The following GPM6A variants were observed in gnomAD, a reference collection of about 807,000 sequenced individuals.
GPM6A encodes the protein neuronal membrane glycoprotein M6-a.
In GPM6A, 7 loss-of-function variants were observed where a neutral mutation model predicts 32.1. The ratio of observed to expected loss-of-function variants is 0.22; its 90% CI spans 0.12 to 0.41. The LOEUF (loss-of-function observed/expected upper bound fraction) is 0.41. GPM6A is among the 10% of genes least tolerant of loss of function. The probability of loss-of-function intolerance (pLI) is 1.00; values close to 1 mark genes in which losing one functional copy is unlikely to be tolerated. For synonymous variants in GPM6A, 130 were observed against 123.4 expected, an observed-to-expected ratio of 1.05 and a Z score of -0.35; for missense variants, 235 against 347.2, an observed-to-expected ratio of 0.68 and a Z score of 2.57.
chr4:175,704,698 A>T (rs1745076150), intron 1 of GPM6A, among the ~76,000 whole-genome samples: 2 of 152,138 alleles, frequency 1.3e-5, no homozygotes, highest in African/African-American at 4.8e-5. Context: ...TCTGTCTTTC[A>T]CTGTTCTCGA....
At chr4:175,830,283 A>G (rs1735569132) in intron 1 of GPM6A, among the ~76,000 whole-genome samples, 1 of 152,140 alleles carries the variant, frequency 6.6e-6, no homozygotes, top group Admixed American at 6.5e-5. Context: ...GTTGTGTTAA[A>G]TGCCACAGTC....
At chr4:175,680,745 A>G (rs560894675) in intron 2 of GPM6A, among the ~76,000 whole-genome samples, 1 of 152,192 alleles carries the variant, frequency 6.6e-6, no homozygotes, top group Admixed American at 6.5e-5. Flanking sequence ...TGGATCCTTG[A>G]TTATCTTTAC....
intron 1 of GPM6A, among the ~76,000 whole-genome samples, chr4:175,890,887 G>A (rs1160605904): frequency 6.6e-6 from 1 of 152,004 alleles, no homozygotes; most frequent in Admixed American, 6.6e-5. Flanking sequence ...CAAATTATTA[G>A]AGATCACGCA....
At chr4:175,843,175 T>G (rs539827033) in intron 1 of GPM6A, among the ~76,000 whole-genome samples, 12 of 152,226 alleles carry the variant, frequency 7.9e-5, no homozygotes, top group African/African-American at 2.9e-4. Context: ...AATATTTGCT[T>G]GCCAAAAAGA....
At chr4:175,792,410 A>T (rs982651517) in intron 1 of GPM6A, among the ~76,000 whole-genome samples, 1 of 152,184 alleles carries the variant, frequency 6.6e-6, no homozygotes, top group African/African-American at 2.4e-5. Context: ...AAAACTAGAA[A>T]ATAATTAAAT....
chr4:175,682,310 T>C (rs1277966407), intron 2 of GPM6A, among the ~76,000 whole-genome samples: 2 of 152,152 alleles, frequency 1.3e-5, no homozygotes, highest in East Asian at 1.9e-4. Context: ...TAAATAACTT[T>C]AAATTTGAAA....
At chr4:175,838,626 G>A (rs1735845276) in intron 1 of GPM6A, among the ~76,000 whole-genome samples, 1 of 146,706 alleles carries the variant, frequency 6.8e-6, no homozygotes, top group African/African-American at 2.5e-5. Flanking sequence ...CAAAGGATAT[G>A]GTGGTTTCTA....
chr4:175,898,190 A>C (rs1336245394), intron 1 of GPM6A, among the ~76,000 whole-genome samples: 1 of 152,166 alleles, frequency 6.6e-6, no homozygotes, highest in Admixed American at 6.5e-5. Flanking sequence ...CTATCACATA[A>C]ATTTTAAAAT....
intron 1 of GPM6A, among the ~76,000 whole-genome samples, chr4:175,903,644 A>T (rs929354855): frequency 8.5e-5 from 13 of 152,200 alleles, no homozygotes; most frequent in African/African-American, 3.1e-4. Flanking sequence ...TTCCTGCAGA[A>T]AAAGCAAAAC....
chr4:175,820,989 C>T (rs1735261974), intron 1 of GPM6A, among the ~76,000 whole-genome samples: 1 of 152,122 alleles, frequency 6.6e-6, no homozygotes, highest in African/African-American at 2.4e-5. Flanking sequence ...TTAAAATTTT[C>T]CCTACAAGTC....
In GPM6A at chr4:175,668,044, G is replaced by T. The variant is rs539306396; in HGVS notation, c.387+5636C>A. Among the ~76,000 whole-genome samples, 178 of 152,116 alleles carry T rather than the reference G, an allele frequency of 1.2e-3. 2 individuals carry two copies. Among genetic ancestry groups the T allele is most frequent in the Non-Finnish European group, 8.8e-5 (6 of 67,990 alleles). ...CTCTTGTATTTTAAAATCTAAACTA[G>T]ATGCTTTACACAGTTTTCTATTTTA... On this transcript the variant is annotated intron_variant, in intron 3 of 6. Transcript: ENST00000393658.
At chr4:175,825,617 A>G (rs1735409998) in intron 1 of GPM6A, among the ~76,000 whole-genome samples, 1 of 152,204 alleles carries the variant, frequency 6.6e-6, no homozygotes, top group Non-Finnish European at 1.5e-5. Flanking sequence ...TTGTGTTGTC[A>G]ACCTAAAGAT....
chr4:175,951,806 A>T (rs1476071206), intron 1 of GPM6A, among the ~76,000 whole-genome samples: 1 of 152,242 alleles, frequency 6.6e-6, no homozygotes, highest in Admixed American at 6.5e-5. Context: ...TTAAACTGGT[A>T]AACTTTTCAT....
intron 2 of GPM6A, among the ~76,000 whole-genome samples, chr4:175,674,399 C>T (rs1560867325): frequency 1.3e-5 from 2 of 152,110 alleles, no homozygotes; most frequent in Non-Finnish European, 2.9e-5. Flanking sequence ...CTGGTTCAAA[C>T]TCCTGAGCTC....
intron 2 of GPM6A, among the ~76,000 whole-genome samples, chr4:175,697,830 A>T (rs186013645): frequency 6.6e-6 from 1 of 152,184 alleles, no homozygotes; most frequent in East Asian, 1.9e-4. Context: ...TAGGAGCTCA[A>T]CTTCAGGCCA....
Position 175,993,614 on chromosome 4 carries a change from A to G in GPM6A, c.-23+8695T>C, listed in dbSNP as rs144756279. ...TCCTGCAATGACCAATATTAAATAC[A>G]TTATACTTTTTAAATTTTGTATTTT... On this transcript the variant is annotated intron_variant, in intron 1 of 7. Coordinates refer to the GPM6A transcript ENST00000280187. 2.9e-3 allele frequency among the ~76,000 whole-genome samples: 449 copies of G among 152,304 alleles called. 7 individuals are homozygous for G. Among genetic ancestry groups the G allele is most frequent in the Non-Finnish European group, 3.2e-3 (219 of 68,022 alleles).
intron 1 of GPM6A, among the ~76,000 whole-genome samples, chr4:175,774,609 T>G (rs985115200): frequency 2.6e-4 from 40 of 152,214 alleles, no homozygotes; most frequent in African/African-American, 9.4e-4. Flanking sequence ...GTTTATTAGA[T>G]AAAATAAGTC....
chr4:175,678,695 C>T (rs956510837), intron 2 of GPM6A, among the ~76,000 whole-genome samples: 3 of 152,050 alleles, frequency 2.0e-5, no homozygotes, highest in African/African-American at 7.2e-5. Flanking sequence ...GTAAACCTGT[C>T]GCGCATTTGA....
rs182659878 is a variant in GPM6A, at chr4:176,001,781, C to T, written c.-23+528G>A. Among the ~76,000 whole-genome samples the T allele has an allele frequency of 4.0e-3, 611 of 152,302 alleles. 1 individual carries two copies. Among genetic ancestry groups the T allele is most frequent in the African/African-American group, 0.014 (573 of 41,558 alleles). On this transcript the variant is annotated intron_variant, in intron 1 of 7. Transcript: ENST00000280187. ...GGACTAGAAATTGTCCCCAGTCTGG[C>T]CCTGCACCAGCACCTTCCTCTGCTC...
Sources: allele counts gnomAD v4.1 joint callset (sites outside exome capture counted in the v4.1 genomes callset), GRCh38; gene constraint gnomAD v4.1.1; transcripts MANE v1.5; gene names NCBI Gene and HGNC (gene_info 2026-07-23, HGNC 2026-07-21).